The following PPARGC1A variants were observed in gnomAD, a reference collection of about 807,000 sequenced individuals.
The protein encoded by PPARGC1A is PPARG coactivator 1 alpha, also known as peroxisome proliferator-activated receptor gamma coactivator 1-alpha.
A neutral mutation model predicts 88.7 loss-of-function variants in PPARGC1A; 25 were observed. The ratio of observed to expected loss-of-function variants is 0.28; its 90% CI spans 0.21 to 0.39. The LOEUF (loss-of-function observed/expected upper bound fraction) is 0.39, where lower values mean the gene tolerates loss of function less well. PPARGC1A is among the 10% of genes least tolerant of loss of function. The pLI, the probability that PPARGC1A is intolerant of heterozygous loss-of-function variation, is 1.00. For missense variants in PPARGC1A, 880 were observed against 968.7 expected (o/e 0.91, Z 1.22); for synonymous variants, 363 against 355.6 (o/e 1.02, Z -0.24).
chr4:24,092,241 C>A, the PPARGC1A span, among the ~76,000 whole-genome samples: 2 of 152,098 alleles, frequency 1.3e-5, no homozygotes, highest in African/African-American at 2.4e-5. Flanking sequence ...CCACCGTAGG[C>A]CTCAACCCCT....
the PPARGC1A span, among the ~76,000 whole-genome samples, chr4:24,075,940 G>A: frequency 1.3e-5 from 2 of 152,130 alleles, no homozygotes; most frequent in Admixed American, 6.6e-5. Flanking sequence ...GACACCATAA[G>A]ACCTGAAAAC....
At chr4:24,275,850 T>A in the PPARGC1A span, among the ~76,000 whole-genome samples, 1 of 152,122 alleles carries the variant, frequency 6.6e-6, no homozygotes, top group African/African-American at 2.4e-5. Context: ...GTGATATGCA[T>A]ATATATAATA....
chr4:24,429,109 A>G, the PPARGC1A span, among the ~76,000 whole-genome samples: 40 of 152,332 alleles, frequency 2.6e-4, no homozygotes, highest in Admixed American at 1.1e-3. Context: ...CTGAGCAGGC[A>G]CTGGGCGAGG....
the PPARGC1A span, among the ~76,000 whole-genome samples, chr4:24,132,227 T>C: frequency 6.6e-6 from 1 of 152,054 alleles, no homozygotes; most frequent in African/African-American, 2.4e-5. Context: ...ATTTATTCCC[T>C]ATTCTTTATA....
chr4:24,138,873 T>C, the PPARGC1A span, among the ~76,000 whole-genome samples: 1 of 152,146 alleles, frequency 6.6e-6, no homozygotes, highest in Non-Finnish European at 1.5e-5. Context: ...TCTATTAAAC[T>C]AGAGTATTGA....
the PPARGC1A span, among the ~76,000 whole-genome samples, chr4:23,925,734 T>C: frequency 1.3e-5 from 2 of 152,156 alleles, no homozygotes; most frequent in Non-Finnish European, 2.9e-5. Context: ...AGCAGAATCA[T>C]TTTTCATGTC....
the PPARGC1A span, among the ~76,000 whole-genome samples, chr4:24,178,373 G>A: frequency 6.6e-6 from 1 of 152,152 alleles, no homozygotes; most frequent in African/African-American, 2.4e-5. Context: ...GGCATATGGC[G>A]ATTGGTATTT....
At chr4:24,279,046 G>T in the PPARGC1A span, among the ~76,000 whole-genome samples, 5 of 152,324 alleles carry the variant, frequency 3.3e-5, no homozygotes, top group East Asian at 9.6e-4. Flanking sequence ...AAACATTGGT[G>T]TTAGCATTGT....
chr4:24,000,872 C>A, the PPARGC1A span, among the ~76,000 whole-genome samples: 1 of 152,168 alleles, frequency 6.6e-6, no homozygotes, highest in African/African-American at 2.4e-5. Context: ...TACTATGTCA[C>A]ATCATCACAC....
chr4:24,220,895 C>T, the PPARGC1A span, among the ~76,000 whole-genome samples: 215 of 152,216 alleles, frequency 1.4e-3, no homozygotes, highest in Non-Finnish European at 2.0e-3. Context: ...AGTAATATGT[C>T]CATTTGTTTT....
the PPARGC1A span, among the ~76,000 whole-genome samples, chr4:24,020,463 C>T: frequency 6.6e-6 from 1 of 152,072 alleles, no homozygotes; most frequent in Non-Finnish European, 1.5e-5. Context: ...AACATCAATA[C>T]AGACTGTCTT....
chr4:23,890,054 G>T, upstream of PPARGC1A: 1 of 1,568,450 alleles, frequency 6.4e-7, no homozygotes, highest in South Asian at 1.2e-5. Flanking sequence ...TACTGAGAGT[G>T]AACTGAAGGC....
the PPARGC1A span, among the ~76,000 whole-genome samples, chr4:24,421,872 TATA>T: frequency 6.6e-6 from 1 of 152,210 alleles, no homozygotes; most frequent in Non-Finnish European, 1.5e-5. Flanking sequence ...ATTAAGGACA[TATA>T]ATACTGCTTT....
At chr4:24,403,080 C>T in the PPARGC1A span, among the ~76,000 whole-genome samples, 2 of 152,320 alleles carry the variant, frequency 1.3e-5, no homozygotes, top group Non-Finnish European at 2.9e-5. Context: ...AGCCAAATCC[C>T]CTGTTCAAGG....
the PPARGC1A span, among the ~76,000 whole-genome samples, chr4:23,949,070 T>G: frequency 6.6e-6 from 1 of 152,140 alleles, no homozygotes; most frequent in African/African-American, 2.4e-5. Flanking sequence ...GGCAAATGGA[T>G]AGCTTCATAG....
At chr4:24,015,929 T>C in the PPARGC1A span, among the ~76,000 whole-genome samples, 1 of 152,156 alleles carries the variant, frequency 6.6e-6, no homozygotes, top group Non-Finnish European at 1.5e-5. Context: ...GAGATGAGAT[T>C]GAAGTCCATG....
the PPARGC1A span, among the ~76,000 whole-genome samples, chr4:24,097,514 C>G: frequency 6.6e-6 from 1 of 152,084 alleles, no homozygotes; most frequent in Non-Finnish European, 1.5e-5. Flanking sequence ...GATTTTACTT[C>G]TGTTTTTGGT....
At chr4:24,049,868 A>G in the PPARGC1A span, among the ~76,000 whole-genome samples, 3 of 152,276 alleles carry the variant, frequency 2.0e-5, no homozygotes, top group South Asian at 6.2e-4. Flanking sequence ...TACCAAATAT[A>G]GTCAGGTGTA....
the PPARGC1A span, among the ~76,000 whole-genome samples, chr4:24,189,215 C>T: frequency 6.6e-5 from 10 of 151,964 alleles, no homozygotes; most frequent in South Asian, 2.1e-4. Flanking sequence ...AAAACAGTTC[C>T]GGAGATGGAT....
Sources: gnomAD v4.1 joint callset for allele counts (sites outside exome capture counted in the v4.1 genomes callset) on GRCh38, gnomAD v4.1.1 for gene constraint, MANE v1.5 for transcripts, NCBI Gene and HGNC (gene_info 2026-07-23, HGNC 2026-07-21) for gene names.